Variants in CLIC5 observed in about 807,000 individuals in gnomAD.
CLIC5 encodes the protein chloride intracellular channel protein 5.
CLIC5 carries 20 observed loss-of-function variants against 24.7 expected under a neutral mutation model. The ratio of observed to expected loss-of-function variants is 0.81; its 90% CI spans 0.57 to 1.18. The LOEUF is 1.18. Among genes scored for constraint, CLIC5 ranks in the 50% most tolerant of loss-of-function variants. The probability of loss-of-function intolerance (pLI) is 0.00; values close to 1 mark genes in which losing one functional copy is unlikely to be tolerated. For missense variants in CLIC5, 341 were observed against 326.1 expected (o/e 1.05, Z -0.35); for synonymous variants, 159 against 135.6 (o/e 1.17, Z -1.20).
chr6:45,913,722 C>T (rs940914963), intron 5 of CLIC5: 3 of 1,137,138 alleles, frequency 2.6e-6, no homozygotes, highest in African/African-American at 3.2e-5. Context: ...AGTGACATCA[C>T]TTCTTGCAAC....
In CLIC5 at chr6:46,005,432, C is replaced by T. The variant is rs181089019; in HGVS notation, c.63+10048G>A. 1.6e-3 allele frequency among the ~76,000 whole-genome samples: 244 copies of T among 152,302 alleles called. 1 individual carries two copies. Among genetic ancestry groups the T allele is most frequent in the Non-Finnish European group, 1.1e-3 (77 of 68,036 alleles). On this transcript the variant is annotated intron_variant, in intron 1 of 5. Coordinates refer to ENST00000339561, the MANE Select transcript of CLIC5 (RefSeq NM_016929.5). The stretch of plus-strand genomic sequence containing the variant: ...AGAGACGTGCTGCAAAGGCCTCCCA[C>T]GCCAAAACACCCTGCCTCAGATGCA...
the CLIC5 span, among the ~76,000 whole-genome samples, chr6:46,098,301 A>G: frequency 1.3e-5 from 2 of 152,228 alleles, no homozygotes; most frequent in African/African-American, 4.8e-5. Flanking sequence ...AAGTAGAACA[A>G]ACATCAGTTT....
chr6:46,012,353 G>T (rs1766837306), intron 1 of CLIC5, among the ~76,000 whole-genome samples: 1 of 152,108 alleles, frequency 6.6e-6, no homozygotes, highest in Non-Finnish European at 1.5e-5. Flanking sequence ...GCCATCCACA[G>T]GTATTATGGG....
At chr6:46,026,911 CAGA>C (rs1401769484) in intron 1 of CLIC5, among the ~76,000 whole-genome samples, 6 of 151,936 alleles carry the variant, frequency 3.9e-5, no homozygotes, top group African/African-American at 1.5e-4. Context: ...ACGAGATAAC[CAGA>C]AGATGAGATA....
upstream of CLIC5, among the ~76,000 whole-genome samples, chr6:46,020,693 A>G (rs1767151676): frequency 6.6e-6 from 1 of 152,088 alleles, no homozygotes; most frequent in South Asian, 2.1e-4. Flanking sequence ...AGATTTACCA[A>G]AAAACTAGAG....
intron 4 of CLIC5, among the ~76,000 whole-genome samples, chr6:45,917,006 A>G (rs1763058296): frequency 6.6e-6 from 1 of 152,220 alleles, no homozygotes; most frequent in African/African-American, 2.4e-5. Flanking sequence ...AAGGCCGCCC[A>G]GGGTGAATTC....
chr6:46,031,860 T>TACACATATATATATAACATATATATATAC (rs1767508449), intron 1 of CLIC5, among the ~76,000 whole-genome samples: 1 of 147,564 alleles, frequency 6.8e-6, no homozygotes. Context: ...AATATATATA[T>TACACATATATATATAACATATATATATAC]ACACATATAT....
At chr6:45,925,394 G>T (rs1763442332) in intron 4 of CLIC5, among the ~76,000 whole-genome samples, 1 of 149,366 alleles carries the variant, frequency 6.7e-6, no homozygotes, top group African/African-American at 2.5e-5. Flanking sequence ...TCAGCTCACT[G>T]CAAACTCCAT....
In CLIC5 at chr6:45,955,136, T is replaced by G; in HGVS notation, c.172A>C (p.Arg58=). 1 of 1,608,504 alleles carries G rather than the reference T, an allele frequency of 6.2e-7. No homozygotes were observed. Among genetic ancestry groups the G allele is most frequent in the Non-Finnish European group, 8.5e-7 (1 of 1,175,170 alleles). ...VFNVTTVDLK[R]KPADLHNLAP... is the part of the protein sequence containing the mutation. ...CCTCATTTATGCAACGTACGTTACC[T>G]TTTCAGATCCACAGTGGTGACATTG... Residue 58 remains arginine, a splice_region_variant and synonymous_variant, in exon 2 of 6, where the codon AGA becomes CGA. Coordinates refer to ENST00000339561, the MANE Select transcript of CLIC5 (RefSeq NM_016929.5).
In CLIC5 at chr6:45,882,271, A is replaced by G. The variant is rs547094806; in HGVS notation, c.624-1083T>C. Reference sequence around the variant, plus strand: ...ACCCTTCATCCACAGCAACCCAATCACTGCATAGAAGCCACAATAGCATTC... The same window carrying G: ...ACCCTTCATCCACAGCAACCCAATCGCTGCATAGAAGCCACAATAGCATTC... On this transcript the variant is annotated intron_variant, in intron 6 of 6. Coordinates refer to the CLIC5 transcript ENST00000644324. 2.0e-5 allele frequency among the ~76,000 whole-genome samples: 3 copies of G among 152,324 alleles called. No homozygotes were observed. The South Asian group carries it at 6.2e-4, about 32-fold the overall frequency.
chr6:46,097,494 G>A, the CLIC5 span: 1 of 152,300 alleles, frequency 6.6e-6, no homozygotes, highest in Non-Finnish European at 1.5e-5. Context: ...AAAAAGCTGT[G>A]TTCAGACACA....
At chr6:45,886,559 C>T (rs1357537518) in intron 6 of CLIC5, among the ~76,000 whole-genome samples, 3 of 152,122 alleles carry the variant, frequency 2.0e-5, no homozygotes, top group Non-Finnish European at 4.4e-5. Flanking sequence ...GAGAATGGGG[C>T]GTTTGATTTA....
intron 3 of CLIC5, among the ~76,000 whole-genome samples, chr6:45,945,740 G>A (rs1034869188): frequency 6.6e-5 from 10 of 152,302 alleles, no homozygotes; most frequent in African/African-American, 9.6e-5. Flanking sequence ...GGGAGGTCTG[G>A]AGGCTGTTTC....
intron 4 of CLIC5, chr6:45,919,052 T>C: frequency 1.0e-6 from 1 of 985,456 alleles, no homozygotes; most frequent in Non-Finnish European, 1.2e-6. Context: ...ATGGTCTTCC[T>C]TACAAGCTCC....
At chr6:46,020,912 A>T (rs560904338) in intron 1 of CLIC5, among the ~76,000 whole-genome samples, 1 of 152,068 alleles carries the variant, frequency 6.6e-6, no homozygotes, top group Non-Finnish European at 1.5e-5. Context: ...AACATATTAA[A>T]TTCATAGTTG....
At chr6:45,887,592 C>T (rs1223393650) in intron 6 of CLIC5, among the ~76,000 whole-genome samples, 2 of 152,160 alleles carry the variant, frequency 1.3e-5, no homozygotes, top group East Asian at 3.9e-4. Context: ...ACAATTCAAC[C>T]TATAAGGTGG....
chr6:46,076,565 G>T (rs1321834240), intron 1 of CLIC5, among the ~76,000 whole-genome samples: 1 of 152,116 alleles, frequency 6.6e-6, no homozygotes, highest in Non-Finnish European at 1.5e-5. Flanking sequence ...AGATGGAAAA[G>T]AGAAAGAAAC....
chr6:45,930,597 C>T (rs748333624), intron 4 of CLIC5, among the ~76,000 whole-genome samples: 1 of 152,186 alleles, frequency 6.6e-6, no homozygotes, highest in Non-Finnish European at 1.5e-5. Context: ...GCTCTGGCGA[C>T]GATTCCTCTG....
chr6:45,920,777 G>T (rs1763225991), intron 4 of CLIC5: 2 of 360,054 alleles, frequency 5.6e-6, no homozygotes, highest in African/African-American at 2.2e-5. Flanking sequence ...CCCCAGCAGG[G>T]CCCAGGAGGA....
Sources: allele counts gnomAD v4.1 joint callset (sites outside exome capture counted in the v4.1 genomes callset), GRCh38; gene constraint gnomAD v4.1.1; transcripts MANE v1.5; gene names NCBI Gene and HGNC (gene_info 2026-07-23, HGNC 2026-07-21).